Variants in CFAP47 observed in about 807,000 individuals in gnomAD.
The protein encoded by CFAP47 is cilia- and flagella-associated protein 47.
CFAP47 carries 29 observed loss-of-function variants against 148.1 expected under a neutral mutation model. The observed-to-expected ratio is 0.20, with a 90% CI of 0.15 to 0.27. CFAP47 has a LOEUF of 0.27. CFAP47 is among the 10% of genes least tolerant of loss of function. The pLI is 1.00. For missense variants in CFAP47, 1,872 were observed against 1,697.5 expected (o/e 1.10, Z -1.81); for synonymous variants, 664 against 577.3 (o/e 1.15, Z -2.15).
intron 52 of CFAP47, among the ~76,000 whole-genome samples, chrX:36,300,820 A>G (rs6629072): frequency 0.12 from 13,175 of 111,807 alleles, 624 homozygotes; most frequent in East Asian, 0.26. Context: ...ATTTTTATTG[A>G]TCCAACAGGC....
In CFAP47 at chrX:36,228,724, G is replaced by A. The variant is rs1940300215; in HGVS notation, c.6914G>A (p.Arg2305His). The change falls in exon 46 of 64, where the codon CGT (arginine) becomes CAT (histidine). Residue 2305 changes from arginine to histidine, a missense_variant. Transcript: ENST00000378653. Reference protein sequence around the residue: ...KILLKSRYDVRAYYVEGIVNE... With the variant: ...KILLKSRYDVHAYYVEGIVNE... ...TTATTGAAATCAAGGTATGATGTGC[G>A]TGCCTATTATGTTGAAGGTATTGTG... 1 of 525,010 alleles carries A rather than the reference G, an allele frequency of 1.9e-6. No individual in the cohort carries two copies. Among genetic ancestry groups the A allele is most frequent in the South Asian group, 2.5e-5 (1 of 40,680 alleles). 43.3% of individuals were successfully genotyped at this position (525,010 alleles called of 1,213,427 possible).
intron 48 of CFAP47, among the ~76,000 whole-genome samples, chrX:36,250,427 T>C (rs1293869220): frequency 9.1e-6 from 1 of 110,198 alleles, no homozygotes; most frequent in African/African-American, 3.3e-5. Flanking sequence ...GTTGGAGAGA[T>C]GTGAATGAAA....
At chrX:36,333,097 A>C (rs1000646287) in intron 57 of CFAP47, among the ~76,000 whole-genome samples, 4 of 111,419 alleles carry the variant, frequency 3.6e-5, no homozygotes, top group Admixed American at 1.9e-4. Flanking sequence ...TCTTTCTTCC[A>C]TGTGGAAGCA....
chrX:35,972,221 ATTTCTTTC>A (rs113235076), intron 13 of CFAP47, among the ~76,000 whole-genome samples: 2 of 108,248 alleles, frequency 1.8e-5, no homozygotes, highest in South Asian at 4.1e-4. Flanking sequence ...GTTACTCTCT[ATTTCTTTC>A]TTTCTTTCTT....
intron 45 of CFAP47, among the ~76,000 whole-genome samples, chrX:36,216,243 T>C (rs1555990160): frequency 1.8e-5 from 2 of 112,674 alleles, no homozygotes; most frequent in Non-Finnish European, 3.8e-5. Flanking sequence ...AGTATTGTTA[T>C]TTTAAAGAAG....
At chrX:36,101,063 T>C (rs956176455) in intron 32 of CFAP47, among the ~76,000 whole-genome samples, 8 of 111,082 alleles carry the variant, frequency 7.2e-5, no homozygotes, top group Admixed American at 1.9e-4. Context: ...TTTTTCACCA[T>C]CAACCTGAAC....
At chrX:36,210,262 C>G (rs1281492763) in intron 45 of CFAP47, among the ~76,000 whole-genome samples, 1 of 111,909 alleles carries the variant, frequency 8.9e-6, no homozygotes, top group Non-Finnish European at 1.9e-5. Flanking sequence ...CTATGTTTAA[C>G]CATTTGAGAA....
At chrX:36,060,460 T>A (rs1049377627) in intron 26 of CFAP47, among the ~76,000 whole-genome samples, 2 of 111,843 alleles carry the variant, frequency 1.8e-5, no homozygotes, top group Admixed American at 1.9e-4. Context: ...CAAAAATGTT[T>A]TACATGAATT....
At chrX:36,196,522 G>A (rs949276551) in intron 42 of CFAP47, among the ~76,000 whole-genome samples, 4 of 111,123 alleles carry the variant, frequency 3.6e-5, no homozygotes, top group Non-Finnish European at 7.5e-5. Context: ...GAGGGCATCC[G>A]TGACTTGTCA....
At chrX:36,138,183 G>A in intron 34 of CFAP47, 128 bp downstream of exon 34, 1 of 561,161 alleles carries the variant, frequency 1.8e-6, no homozygotes, top group Non-Finnish European at 2.6e-6. Context: ...ACCTGAATCT[G>A]CATGGCCAGC....
chrX:36,065,608 T>G, intron 26 of CFAP47, 35 bp from the exon 27 acceptor site: 2 of 892,444 alleles, frequency 2.2e-6, no homozygotes, highest in Non-Finnish European at 1.6e-6. Flanking sequence ...ATCTGAAATT[T>G]TTATTGTATT....
At chrX:36,229,854 T>G (rs1555992139) in intron 46 of CFAP47, among the ~76,000 whole-genome samples, 1 of 96,981 alleles carries the variant, frequency 1.0e-5, no homozygotes, top group African/African-American at 3.8e-5. Context: ...AGTGAGAATA[T>G]GCGGTGTTTG....
intron 46 of CFAP47, among the ~76,000 whole-genome samples, chrX:36,230,452 G>T (rs1468377248): frequency 9.3e-6 from 1 of 107,037 alleles, no homozygotes; most frequent in Non-Finnish European, 1.9e-5. Flanking sequence ...CTTTTTGATG[G>T]GGTTGTTTGT....
chrX:36,228,549 A>G, intron 45 of CFAP47, 79 bp from the exon 46 acceptor site: 2 of 489,311 alleles, frequency 4.1e-6, no homozygotes, highest in Non-Finnish European at 7.4e-6. Context: ...TTAATACAAT[A>G]ATATTAAATA....
At chrX:36,373,196 T>C (rs1941988696) in intron 62 of CFAP47, among the ~76,000 whole-genome samples, 1 of 111,793 alleles carries the variant, frequency 8.9e-6, no homozygotes, top group Admixed American at 9.6e-5. Context: ...CATTTGTGTT[T>C]TTGTCAATAT....
chrX:36,301,155 C>G lies in CFAP47; in HGVS notation c.7946C>G (p.Pro2649Arg). The G allele has an allele frequency of 8.8e-7, 1 of 1,142,025 alleles. No individual in the cohort carries two copies. The highest frequency in any genetic ancestry group is 1.2e-6 in the Non-Finnish European group (1 of 851,934). The allele number at this position is 1,142,025 out of a possible 1,213,427, so 94.1% of individuals were successfully genotyped here. ...TIELPKPTTM[P>R]EIQCDLGKHV... ...GAATTACCAAAACCAACCACAATGC[C>G]AGAAATACAGTGCGACCTTGGCAAG... Residue 2649 changes from proline to arginine, a missense_variant, in exon 53 of 64, where the codon CCA becomes CGA. Physicochemically the swap from Pro to Arg is moderately radical, Grantham distance 103. Transcript: ENST00000378653.
chrX:36,242,088 A>G (rs1387915082), intron 48 of CFAP47, among the ~76,000 whole-genome samples: 1 of 112,495 alleles, frequency 8.9e-6, no homozygotes, highest in Non-Finnish European at 1.9e-5. Flanking sequence ...TATTCTGCTA[A>G]CATACACCCC....
chrX:36,248,498 A>T (rs1252216021), intron 48 of CFAP47, among the ~76,000 whole-genome samples: 4 of 98,909 alleles, frequency 4.0e-5, no homozygotes, highest in East Asian at 3.0e-4. Flanking sequence ...ATATTATATC[A>T]CACACACACA....
intron 60 of CFAP47, among the ~76,000 whole-genome samples, chrX:36,360,448 G>C (rs781819811): frequency 9.0e-6 from 1 of 111,684 alleles, no homozygotes; most frequent in Non-Finnish European, 1.9e-5. Flanking sequence ...CTAGTGCAAG[G>C]ATATATGACA....
Sources: gnomAD v4.1 joint callset for allele counts (sites outside exome capture counted in the v4.1 genomes callset) on GRCh38, gnomAD v4.1.1 for gene constraint, MANE v1.5 for transcripts, NCBI Gene and HGNC (gene_info 2026-07-23, HGNC 2026-07-21) for gene names.